Variants in SDC2 observed in about 807,000 individuals in gnomAD.
SDC2 encodes the protein syndecan 2.
A neutral mutation model predicts 22.2 loss-of-function variants in SDC2; 13 were observed. The ratio of observed to expected loss-of-function variants is 0.59; its 90% CI spans 0.38 to 0.93. The LOEUF (loss-of-function observed/expected upper bound fraction) is 0.93. Ranked by LOEUF, SDC2 falls within the 40% of genes least tolerant of loss-of-function variation. SDC2 has a pLI of 0.00. For missense variants in SDC2, 235 were observed against 246.8 expected (o/e 0.95, Z 0.32); for synonymous variants, 94 against 92.8 (o/e 1.01, Z -0.07).
At chr8:96,552,436 T>C (rs1308828414) in intron 1 of SDC2, among the ~76,000 whole-genome samples, 1 of 152,206 alleles carries the variant, frequency 6.6e-6, no homozygotes, top group Non-Finnish European at 1.5e-5. Context: ...CTGAATTCTG[T>C]TCAACCTCTA....
intron 2 of SDC2, among the ~76,000 whole-genome samples, chr8:96,599,952 C>A (rs1404923361): frequency 6.6e-6 from 1 of 152,006 alleles, no homozygotes; most frequent in Non-Finnish European, 1.5e-5. Flanking sequence ...ACCAACCTGG[C>A]AACATAGTTG....
rs539432544 is a variant in SDC2 at position 96,500,294 on chromosome 8, A to G, written c.60+5963A>G. On this transcript the variant is annotated intron_variant, in intron 1 of 4. Coordinates refer to ENST00000302190, the MANE Select transcript of SDC2 (RefSeq NM_002998.4). ...TGCGTTGGTATGCCGTTGGTCATTT[A>G]GAATGAGGTGGCAGGGGTAGTGAGT... is the stretch of plus-strand genomic sequence containing the variant. Among the ~76,000 whole-genome samples the G allele has an allele frequency of 4.6e-5, 7 of 152,296 alleles. No homozygotes were observed. In the East Asian group the frequency reaches 1.3e-3, roughly 29 times the overall value.
intron 1 of SDC2, among the ~76,000 whole-genome samples, chr8:96,535,326 A>G (rs1326750434): frequency 2.6e-5 from 4 of 152,192 alleles, no homozygotes; most frequent in Non-Finnish European, 4.4e-5. Context: ...TTTTTAGCCT[A>G]AGTGTGGCCC....
At chr8:96,543,975 A>G (rs1422750176) in intron 1 of SDC2, among the ~76,000 whole-genome samples, 1 of 152,200 alleles carries the variant, frequency 6.6e-6, no homozygotes, top group Admixed American at 6.5e-5. Flanking sequence ...TGTATTCTGT[A>G]TGTTAGTGAC....
chr8:96,495,566 T>G (rs1253988302), intron 1 of SDC2, among the ~76,000 whole-genome samples: 1 of 152,198 alleles, frequency 6.6e-6, no homozygotes. Context: ...TCCTCTCCCT[T>G]TGCCATTTAA....
intron 1 of SDC2, among the ~76,000 whole-genome samples, chr8:96,570,531 A>C (rs1814375908): frequency 1.3e-5 from 2 of 152,204 alleles, no homozygotes; most frequent in Admixed American, 1.3e-4. Context: ...CAAAGAAAAA[A>C]ATAATTTCGG....
rs3886892 is a variant in SDC2, at chr8:96,593,639, C to T, written c.172+48C>T. 9,224 of 1,181,822 alleles carry T rather than the reference C, an allele frequency of 7.8e-3. 290 individuals carry two copies. In the African/African-American group the frequency reaches 0.083, roughly 11 times the overall value. 73.2% of individuals were successfully genotyped at this position (1,181,822 alleles called of 1,614,324 possible). A position where few individuals can be genotyped will look rare whatever the true frequency, so the allele number is the denominator to read the frequency against. On this transcript the variant is annotated intron_variant, in intron 2 of 4. Coordinates refer to ENST00000302190, the MANE Select transcript of SDC2 (RefSeq NM_002998.4). ...CTGGACCTCATTCTCCAGGCATGCA[C>T]GCACACACATTTTACTGTGCTTACT...
At chr8:96,547,950 G>C (rs1489447653) in intron 1 of SDC2, among the ~76,000 whole-genome samples, 1 of 151,636 alleles carries the variant, frequency 6.6e-6, no homozygotes. Context: ...TTTTTGTAGA[G>C]ATGGTTTTGC....
intron 1 of SDC2, among the ~76,000 whole-genome samples, chr8:96,591,774 G>A (rs1814785545): frequency 6.6e-6 from 1 of 151,996 alleles, no homozygotes; most frequent in Non-Finnish European, 1.5e-5. Flanking sequence ...AAGCAGGACG[G>A]AGAATGGCTT....
At chr8:96,535,685 GA>G (rs1813743572) in intron 1 of SDC2, among the ~76,000 whole-genome samples, 1 of 152,216 alleles carries the variant, frequency 6.6e-6, no homozygotes, top group Non-Finnish European at 1.5e-5. Context: ...ATTTTGGGCT[GA>G]ATGTCAACTC....
chr8:96,533,783 C>T (rs1041731274), intron 1 of SDC2, among the ~76,000 whole-genome samples: 8 of 152,232 alleles, frequency 5.3e-5, no homozygotes, highest in African/African-American at 1.7e-4. Context: ...GCTGGCTTCA[C>T]CCAATGGATC....
chr8:96,543,867 G>GT (rs1323081592), intron 1 of SDC2, among the ~76,000 whole-genome samples: 1 of 152,102 alleles, frequency 6.6e-6, no homozygotes, highest in Non-Finnish European at 1.5e-5. Flanking sequence ...TTATCTGGCG[G>GT]TATTGCTTTA....
chr8:96,506,584 T>C (rs536139822), intron 1 of SDC2, among the ~76,000 whole-genome samples: 1 of 152,230 alleles, frequency 6.6e-6, no homozygotes, highest in African/African-American at 2.4e-5. Flanking sequence ...TCAAGGCATT[T>C]TACTACCTCA....
chr8:96,507,776 G>A (rs1813264414), intron 1 of SDC2, among the ~76,000 whole-genome samples: 1 of 152,210 alleles, frequency 6.6e-6, no homozygotes, highest in Non-Finnish European at 1.5e-5. Flanking sequence ...CCAGGAGAGA[G>A]TCTGATGCAC....
chr8:96,573,526 G>A (rs1814438076), intron 1 of SDC2, among the ~76,000 whole-genome samples: 1 of 151,994 alleles, frequency 6.6e-6, no homozygotes, highest in South Asian at 2.1e-4. Flanking sequence ...ACACACAATT[G>A]CTCTACGAGG....
chr8:96,544,277 C>T (rs1813897581), intron 1 of SDC2, among the ~76,000 whole-genome samples: 1 of 152,120 alleles, frequency 6.6e-6, no homozygotes, highest in Admixed American at 6.5e-5. Context: ...ACCATCCTAC[C>T]GGTATACCTT....
intron 1 of SDC2, among the ~76,000 whole-genome samples, chr8:96,546,851 T>G (rs1388688799): frequency 1.3e-5 from 2 of 152,220 alleles, no homozygotes; most frequent in African/African-American, 4.8e-5. Flanking sequence ...AGTCTCTGGC[T>G]TCTGATTCCT....
At chr8:96,575,816 A>G (rs1814478399) in intron 1 of SDC2, among the ~76,000 whole-genome samples, 1 of 152,194 alleles carries the variant, frequency 6.6e-6, no homozygotes, top group South Asian at 2.1e-4. Flanking sequence ...ACACATAGAA[A>G]AATGATTTCT....
At chr8:96,564,032 G>A (rs1198923659) in intron 1 of SDC2, among the ~76,000 whole-genome samples, 1 of 152,176 alleles carries the variant, frequency 6.6e-6, no homozygotes, top group East Asian at 1.9e-4. Flanking sequence ...TTTAGCCAAG[G>A]GATGCCAGCA....
Sources: gnomAD v4.1 joint callset for allele counts (sites outside exome capture counted in the v4.1 genomes callset) on GRCh38, gnomAD v4.1.1 for gene constraint, MANE v1.5 for transcripts, NCBI Gene and HGNC (gene_info 2026-07-23, HGNC 2026-07-21) for gene names.